Variants in CSMD1 observed in about 807,000 individuals in gnomAD.
The protein encoded by CSMD1 is CUB and sushi domain-containing protein 1.
A neutral mutation model predicts 417.5 loss-of-function variants in CSMD1; 213 were observed. The observed-to-expected ratio is 0.51, with a 90% CI of 0.46 to 0.57. The LOEUF is 0.57. CSMD1 is among the 20% of genes least tolerant of loss of function. The pLI is 0.00. For missense variants in CSMD1, 6,923 were observed against 4,529.7 expected (o/e 1.53, Z -15.17); for synonymous variants, 2,862 against 1,736.8 (o/e 1.65, Z -16.11).
chr8:3,532,519 T>A (rs1020382451), intron 10 of CSMD1, among the ~76,000 whole-genome samples: 11 of 152,134 alleles, frequency 7.2e-5, no homozygotes, highest in Non-Finnish European at 1.3e-4. Flanking sequence ...CCTCAGATGA[T>A]CAGGACTTTA....
At chr8:4,688,576 TCA>T (rs1806556090) in intron 1 of CSMD1, among the ~76,000 whole-genome samples, 12 of 152,024 alleles carry the variant, frequency 7.9e-5, no homozygotes, top group Non-Finnish European at 1.8e-4. Context: ...TAAGCAGCAG[TCA>T]GAGAGTGAAC....
intron 2 of CSMD1, among the ~76,000 whole-genome samples, chr8:4,423,726 G>T (rs577622878): frequency 6.8e-6 from 1 of 147,110 alleles, no homozygotes; most frequent in African/African-American, 2.5e-5. Flanking sequence ...ATGTGGGAAG[G>T]CAAACAAACA....
At chr8:3,728,388 G>A (rs1359067618) in intron 6 of CSMD1, among the ~76,000 whole-genome samples, 1 of 152,162 alleles carries the variant, frequency 6.6e-6, no homozygotes, top group South Asian at 2.1e-4. Context: ...CCAGTATTGG[G>A]TATGTCTTTA....
intron 15 of CSMD1, 31 bp from the exon 16 acceptor site, chr8:3,399,560 C>G (rs1209920392): frequency 2.0e-6 from 3 of 1,528,338 alleles, no homozygotes; most frequent in East Asian, 2.3e-5. Context: ...TCTATTAGAT[C>G]CAATGAGACA....
At chr8:4,718,117 G>A (rs1194621057) in intron 1 of CSMD1, among the ~76,000 whole-genome samples, 2 of 152,024 alleles carry the variant, frequency 1.3e-5, no homozygotes, top group East Asian at 3.9e-4. Context: ...GGTATGACAG[G>A]CACATGCCAC....
chr8:3,325,888 C>G (rs138813305), intron 23 of CSMD1, among the ~76,000 whole-genome samples: 5 of 152,176 alleles, frequency 3.3e-5, no homozygotes, highest in Non-Finnish European at 7.4e-5. Flanking sequence ...AATGTGAATC[C>G]ACTATCAGAT....
At chr8:4,454,628 T>A (rs1481558377) in intron 2 of CSMD1, among the ~76,000 whole-genome samples, 1 of 152,186 alleles carries the variant, frequency 6.6e-6, no homozygotes, top group African/African-American at 2.4e-5. Context: ...AGGAAGCTGA[T>A]AAAGAGACTA....
At chr8:3,000,434 T>A (rs530215738) in intron 52 of CSMD1, among the ~76,000 whole-genome samples, 23 of 152,118 alleles carry the variant, frequency 1.5e-4, no homozygotes, top group Non-Finnish European at 2.6e-4. Flanking sequence ...TTTACCTTGT[T>A]ATACTATTTT....
At chr8:4,362,764 T>G (rs1266966648) in intron 3 of CSMD1, among the ~76,000 whole-genome samples, 1 of 152,208 alleles carries the variant, frequency 6.6e-6, no homozygotes, top group East Asian at 1.9e-4. Flanking sequence ...CTGAGCAATT[T>G]AGTTTTTAAG....
intron 1 of CSMD1, among the ~76,000 whole-genome samples, chr8:4,678,731 G>A (rs17071029): frequency 0.17 from 26,483 of 152,068 alleles, 2,496 homozygotes; most frequent in African/African-American, 0.24. Context: ...TTAAACACAT[G>A]TGCTAATTTC....
chr8:3,637,282 G>A (rs1464461833), intron 7 of CSMD1, among the ~76,000 whole-genome samples: 1 of 152,114 alleles, frequency 6.6e-6, no homozygotes, highest in South Asian at 2.1e-4. Flanking sequence ...CTTGCTAGTT[G>A]TGTATGCTTG....
Position 3,359,180 on chromosome 8 carries a change from C to G in CSMD1, c.3276G>C (p.Val1092=). 2 of 1,613,986 alleles carry G rather than the reference C, an allele frequency of 1.2e-6. No homozygotes were observed. The highest frequency in any genetic ancestry group is 2.2e-5 in the East Asian group (1 of 44,828). Residue 1092 remains valine, a synonymous_variant, in exon 21 of 70, where the codon GTG becomes GTC. Coordinates refer to ENST00000635120, the MANE Select transcript of CSMD1 (RefSeq NM_033225.6). The part of the protein sequence containing the change: ...KLTCLGGGRR[V]WSAPLPRCVA... ...CACACCTTGGCAGAGGTGCACTCCACACACGGCGGCCCCCACCCAGGCAGG... is the reference window on the plus strand; with the variant it reads ...CACACCTTGGCAGAGGTGCACTCCAGACACGGCGGCCCCCACCCAGGCAGG...
At position 3,794,510 on chromosome 8, in the gene CSMD1, T is replaced by C. The variant is rs555250695; in HGVS notation, c.819-40468A>G. ...TAGCTACTCTCTGCATTACATTGTA[T>C]TGTGTGTTATAATACTAAAATAAGT... On this transcript the variant is annotated intron_variant, in intron 5 of 69. Transcript: ENST00000635120. Among the ~76,000 whole-genome samples, 335 of 152,286 alleles carry C rather than the reference T, an allele frequency of 2.2e-3. 2 individuals carry two copies. The highest frequency in any genetic ancestry group is 3.4e-3 in the Middle Eastern group (1 of 294).
intron 1 of CSMD1, among the ~76,000 whole-genome samples, chr8:4,718,133 C>T (rs1202999377): frequency 2.0e-5 from 3 of 152,034 alleles, no homozygotes; most frequent in Non-Finnish European, 4.4e-5. Context: ...GCCACCATGC[C>T]CAGCATATAT....
intron 2 of CSMD1, among the ~76,000 whole-genome samples, chr8:4,502,663 A>G (rs1802317292): frequency 2.0e-5 from 3 of 152,116 alleles, no homozygotes; most frequent in Admixed American, 2.0e-4. Context: ...TAACTATAGC[A>G]TTTCTTGTTG....
At chr8:2,939,773 C>T (rs946166371) in intron 69 of CSMD1, among the ~76,000 whole-genome samples, 3 of 152,190 alleles carry the variant, frequency 2.0e-5, no homozygotes, top group African/African-American at 7.2e-5. Context: ...TGTGACTGCC[C>T]TTGGAGTGGG....
intron 3 of CSMD1, among the ~76,000 whole-genome samples, chr8:4,070,524 T>A (rs560160186): frequency 7.9e-5 from 12 of 152,052 alleles, no homozygotes; most frequent in East Asian, 7.8e-4. Flanking sequence ...CGGCCGGCTA[T>A]TTTTTTGTAT....
At chr8:3,220,545 C>A (rs1363613524) in intron 28 of CSMD1, among the ~76,000 whole-genome samples, 1 of 152,166 alleles carries the variant, frequency 6.6e-6, no homozygotes, top group African/African-American at 2.4e-5. Flanking sequence ...TAAAACCATC[C>A]ATTGCAGCAG....
chr8:3,737,619 C>G (rs1412918466), intron 6 of CSMD1, among the ~76,000 whole-genome samples: 1 of 152,164 alleles, frequency 6.6e-6, no homozygotes, highest in Admixed American at 6.5e-5. Context: ...CTCTCAGTTA[C>G]TAAGCTTTTT....
Sources: gnomAD v4.1 joint callset for allele counts (sites outside exome capture counted in the v4.1 genomes callset) on GRCh38, gnomAD v4.1.1 for gene constraint, MANE v1.5 for transcripts, NCBI Gene and HGNC (gene_info 2026-07-23, HGNC 2026-07-21) for gene names.